WNT7A: variants seen among roughly 807,000 people sequenced by gnomAD.
The protein encoded by WNT7A is protein Wnt-7a.
WNT7A carries 16 observed loss-of-function variants against 28.2 expected under a neutral mutation model. The observed-to-expected ratio is 0.57, with a 90% CI of 0.38 to 0.86. The LOEUF is 0.86. WNT7A is among the 40% of genes least tolerant of loss of function. The probability of loss-of-function intolerance (pLI) is 0.00; values close to 1 mark genes in which losing one functional copy is unlikely to be tolerated. For missense variants in WNT7A, 411 were observed against 489.7 expected (o/e 0.84, Z 1.52); for synonymous variants, 190 against 195.9 (o/e 0.97, Z 0.25).
intron 2 of WNT7A, among the ~76,000 whole-genome samples, chr3:13,856,260 G>A (rs1249128353): frequency 3.9e-5 from 6 of 152,208 alleles, no homozygotes; most frequent in Admixed American, 1.3e-4. Context: ...GGACTTGGGC[G>A]AGCTCCTTCT....
At chr3:13,867,218 G>A (rs1424825980) in intron 2 of WNT7A, among the ~76,000 whole-genome samples, 2 of 152,144 alleles carry the variant, frequency 1.3e-5, no homozygotes, top group Non-Finnish European at 2.9e-5. Context: ...TGTCAGAAAG[G>A]TGAAGTACTC....
At chr3:13,832,875 G>A (rs1694304485) in intron 3 of WNT7A, among the ~76,000 whole-genome samples, 1 of 152,012 alleles carries the variant, frequency 6.6e-6, no homozygotes. Context: ...TATACTGGGG[G>A]CCTTCTGAAA....
intron 2 of WNT7A, among the ~76,000 whole-genome samples, chr3:13,874,172 T>A (rs1449903760): frequency 2.6e-5 from 4 of 151,986 alleles, no homozygotes; most frequent in Admixed American, 1.3e-4. Context: ...TTCAGGGAAG[T>A]TCACAGTGCA....
intron 2 of WNT7A, among the ~76,000 whole-genome samples, chr3:13,872,141 G>A (rs1248058254): frequency 6.6e-6 from 1 of 152,184 alleles, no homozygotes; most frequent in East Asian, 1.9e-4. Context: ...TCCAGCCACA[G>A]TGGACACCAA....
chr3:13,848,279 T>TA (rs1694572538), intron 3 of WNT7A, among the ~76,000 whole-genome samples: 1 of 152,064 alleles, frequency 6.6e-6, no homozygotes, highest in South Asian at 2.1e-4. Context: ...ATGAAGATGA[T>TA]AAAAAAGACA....
intron 2 of WNT7A, among the ~76,000 whole-genome samples, chr3:13,856,960 A>AAGAAGAAGAAGAAGAAGG (rs1559303362): frequency 5.1e-5 from 6 of 117,470 alleles, no homozygotes; most frequent in African/African-American, 2.1e-4. Context: ...GAAGAAGAAG[A>AAGAAGAAGAAGAAGAAGG]AGAAGAAGGA....
chr3:13,859,359 C>T (rs760057583), intron 2 of WNT7A, among the ~76,000 whole-genome samples: 1 of 152,192 alleles, frequency 6.6e-6, no homozygotes. Flanking sequence ...GTCACTTAAC[C>T]TCTCTGAGCC....
At chr3:13,865,291 T>C (rs1452827337) in intron 2 of WNT7A, among the ~76,000 whole-genome samples, 1 of 152,176 alleles carries the variant, frequency 6.6e-6, no homozygotes, top group Non-Finnish European at 1.5e-5. Context: ...CCCCATTTTA[T>C]TGTCCAAGGG....
intron 1 of WNT7A, 77 bp downstream of exon 1, chr3:13,879,669 G>T (rs1695176791): frequency 5.3e-6 from 8 of 1,503,734 alleles, no homozygotes; most frequent in Middle Eastern, 1.7e-4. Context: ...GCAGAGGCTC[G>T]CAGGCGGCAC....
intron 2 of WNT7A, among the ~76,000 whole-genome samples, chr3:13,871,870 G>A (rs1326885721): frequency 1.3e-5 from 2 of 152,116 alleles, no homozygotes; most frequent in South Asian, 2.1e-4. Flanking sequence ...TTCCCATGAA[G>A]GGAAATCCAG....
At chr3:13,856,773 G>A (rs1460829188) in intron 2 of WNT7A, among the ~76,000 whole-genome samples, 1 of 151,770 alleles carries the variant, frequency 6.6e-6, no homozygotes, top group African/African-American at 2.4e-5. Flanking sequence ...AACCAAGACT[G>A]TGCCACTGCA....
chr3:13,837,777 C>A (rs1013494327), intron 3 of WNT7A, among the ~76,000 whole-genome samples: 1 of 152,180 alleles, frequency 6.6e-6, no homozygotes, highest in Non-Finnish European at 1.5e-5. Flanking sequence ...CCTTGACCAC[C>A]TCCATCTGAG....
chr3:13,857,622 C>T (rs143238302), intron 2 of WNT7A, among the ~76,000 whole-genome samples: 171 of 152,236 alleles, frequency 1.1e-3, no homozygotes, highest in Middle Eastern at 6.8e-3. Flanking sequence ...GACTCACCCC[C>T]GGTCCAGTGA....
At chr3:13,873,361 C>T (rs181134694) in intron 2 of WNT7A, among the ~76,000 whole-genome samples, 20 of 152,012 alleles carry the variant, frequency 1.3e-4, no homozygotes, top group Non-Finnish European at 2.4e-4. Flanking sequence ...TCATTTGGGT[C>T]ACTGGTTGCT....
chr3:13,873,850 G>A lies in WNT7A; in HGVS notation c.298+1097C>T, dbSNP rs115095242. Among the ~76,000 whole-genome samples the A allele has an allele frequency of 4.2e-3, 644 of 152,276 alleles. 6 individuals are homozygous for A. Among genetic ancestry groups the A allele is most frequent in the African/African-American group, 0.015 (620 of 41,556 alleles). On this transcript the variant is annotated intron_variant, in intron 2 of 3. Coordinates refer to ENST00000285018, the MANE Select transcript of WNT7A (RefSeq NM_004625.4). ...TCCAGTGTGGTGTGTTTGGGAAAAA[G>A]GACAAGGCTGAGTGAGCAAGGTGAA... is the stretch of plus-strand genomic sequence containing the variant.
intron 2 of WNT7A, among the ~76,000 whole-genome samples, chr3:13,856,500 A>G (rs946471992): frequency 1.3e-5 from 2 of 152,198 alleles, no homozygotes; most frequent in Non-Finnish European, 2.9e-5. Flanking sequence ...TCTCTGCATT[A>G]GTCATTTCCT....
chr3:13,867,078 C>A (rs1694923134), intron 2 of WNT7A, among the ~76,000 whole-genome samples: 1 of 152,058 alleles, frequency 6.6e-6, no homozygotes, highest in African/African-American at 2.4e-5. Context: ...GACACGGGCA[C>A]ACAGGCCTCC....
At chr3:13,823,942 C>T (rs888110811) in intron 3 of WNT7A, among the ~76,000 whole-genome samples, 5 of 152,178 alleles carry the variant, frequency 3.3e-5, no homozygotes, top group Admixed American at 2.0e-4. Context: ...ATACAGCCCC[C>T]GGATTCTAGC....
intron 3 of WNT7A, among the ~76,000 whole-genome samples, chr3:13,843,030 C>A (rs999464065): frequency 6.6e-5 from 10 of 152,170 alleles, no homozygotes; most frequent in Non-Finnish European, 1.5e-4. Flanking sequence ...TAAAGGAGGA[C>A]CAGCGTGGCC....
Sources: gnomAD v4.1 joint callset for allele counts (sites outside exome capture counted in the v4.1 genomes callset) on GRCh38, gnomAD v4.1.1 for gene constraint, MANE v1.5 for transcripts, NCBI Gene and HGNC (gene_info 2026-07-23, HGNC 2026-07-21) for gene names.